Variants in CTIF observed in about 807,000 individuals in gnomAD.
CTIF encodes the protein cap binding complex dependent translation initiation factor.
A neutral mutation model predicts 66.0 loss-of-function variants in CTIF; 21 were observed. The observed-to-expected ratio is 0.32, with a 90% CI of 0.23 to 0.46. CTIF has a LOEUF of 0.46. Among genes scored for constraint, CTIF ranks in the 20% least tolerant of loss-of-function variants. The pLI, the probability that CTIF is intolerant of heterozygous loss-of-function variation, is 1.00. For synonymous variants in CTIF, 345 were observed against 326.4 expected (o/e 1.06, Z -0.62); for missense variants, 739 against 812.7 (o/e 0.91, Z 1.10).
In CTIF at chr18:48,669,790, CATTTATATATATATATATATATATAT is replaced by C. The variant is rs1287250397; in HGVS notation, c.432-876_432-851del. 9.7e-3 allele frequency among the ~76,000 whole-genome samples: 349 copies of C among 35,968 alleles called. 18 individuals are homozygous for C. Among genetic ancestry groups the C allele is most frequent in the Admixed American group, 0.041 (111 of 2,714 alleles). 23.6% of individuals were successfully genotyped at this position (35,968 alleles called of 152,430 possible). ...CACATTTATAAACAAACAAGCTAAA[CATTTATATATATATATATATATATAT>C]ATATATATATATATATATATATATA... On this transcript the variant is annotated intron_variant, in intron 5 of 11. Coordinates refer to ENST00000256413, the MANE Select transcript of CTIF (RefSeq NM_014772.3).
intron 9 of CTIF, among the ~76,000 whole-genome samples, chr18:48,794,977 T>TCTCCATTATCTCC: frequency 6.6e-6 from 1 of 152,234 alleles, no homozygotes; most frequent in South Asian, 2.1e-4. Context: ...TGGATGACTA[T>TCTCCATTATCTCC]AGACTCCACA....
intron 3 of CTIF, among the ~76,000 whole-genome samples, chr18:48,647,776 G>A (rs1475947303): frequency 6.6e-6 from 1 of 152,134 alleles, no homozygotes; most frequent in Non-Finnish European, 1.5e-5. Flanking sequence ...CCACCTCATG[G>A]CTCTTAGAAC....
chr18:48,780,821 T>C (rs1911135339), intron 9 of CTIF, among the ~76,000 whole-genome samples: 1 of 152,224 alleles, frequency 6.6e-6, no homozygotes, highest in Non-Finnish European at 1.5e-5. Context: ...TGGATCTCCT[T>C]CTGTGTACCT....
chr18:48,546,604 A>C (rs1364247627), intron 1 of CTIF, among the ~76,000 whole-genome samples: 1 of 152,170 alleles, frequency 6.6e-6, no homozygotes. Flanking sequence ...GGTGAGCTCC[A>C]GCTGAGGCTC....
chr18:48,636,120 G>A (rs2090817321), intron 2 of CTIF, among the ~76,000 whole-genome samples: 1 of 152,192 alleles, frequency 6.6e-6, no homozygotes, highest in South Asian at 2.1e-4. Flanking sequence ...GGGCTTGTCT[G>A]AGCCATGCTT....
chr18:48,786,220 G>A (rs984388963), intron 9 of CTIF, among the ~76,000 whole-genome samples: 4 of 152,172 alleles, frequency 2.6e-5, no homozygotes, highest in African/African-American at 9.7e-5. Flanking sequence ...TTTGGGAGGG[G>A]GTGCAAGCCT....
intron 2 of CTIF, among the ~76,000 whole-genome samples, chr18:48,625,399 A>C (rs186988910): frequency 1.3e-5 from 2 of 152,248 alleles, no homozygotes; most frequent in Non-Finnish European, 2.9e-5. Flanking sequence ...CTGAGCTAAA[A>C]TTATTTTAAA....
At chr18:48,721,667 G>C (rs1026754979) in intron 7 of CTIF, among the ~76,000 whole-genome samples, 13 of 152,200 alleles carry the variant, frequency 8.5e-5, no homozygotes, top group African/African-American at 3.1e-4. Flanking sequence ...CTACAGGGAT[G>C]CCATTAGATG....
At position 48,619,656 on chromosome 18, in the gene CTIF, T is replaced by C; in HGVS notation, c.91T>C (p.Tyr31His). ...IEELERFIDS[Y>H]VLEYQVQGLL... ...GGAGCTGGAGCGCTTCATCGACAGC[T>C]ACGTGCTGGAGTACCAGGTGCAGGG... is the stretch of plus-strand genomic sequence containing the variant. The change falls in exon 2 of 12, where the codon TAC (tyrosine) becomes CAC (histidine). Residue 31 changes from tyrosine to histidine, a missense_variant. Physicochemically the swap from Tyr to His is moderately conservative, Grantham distance 83 (BLOSUM62 2). This residue lies in a region of CTIF where 529 missense variants were observed against 520.3 expected (regional missense o/e 1.02). Coordinates refer to ENST00000256413, the MANE Select transcript of CTIF (RefSeq NM_014772.3). 6.2e-7 allele frequency: 1 copy of C among 1,607,302 alleles called. No homozygotes were observed. The highest frequency in any genetic ancestry group is 8.5e-7 in the Non-Finnish European group (1 of 1,177,116).
At chr18:48,819,321 G>T (rs887321225) in intron 10 of CTIF, among the ~76,000 whole-genome samples, 2 of 152,238 alleles carry the variant, frequency 1.3e-5, no homozygotes, top group African/African-American at 4.8e-5. Flanking sequence ...GGCCTGCGTG[G>T]CCTCTTGGGT....
In CTIF at chr18:48,734,577, A is replaced by G. The variant is rs565764105; in HGVS notation, c.584+22882A>G. Among the ~76,000 whole-genome samples the G allele has an allele frequency of 2.6e-5, 4 of 152,308 alleles. No individual in the cohort carries two copies. The South Asian group carries it at 8.3e-4, about 32-fold the overall frequency. ...TGAGTGAGACTCTGTCTCAAAAAAT[A>G]AAATAAAATTATTTGAATCCCAGGA... On this transcript the variant is annotated intron_variant, in intron 7 of 11. Coordinates refer to ENST00000256413, the MANE Select transcript of CTIF (RefSeq NM_014772.3).
chr18:48,562,507 G>T (rs1568033810), intron 1 of CTIF, among the ~76,000 whole-genome samples: 1 of 152,346 alleles, frequency 6.6e-6, no homozygotes, highest in East Asian at 1.9e-4. Flanking sequence ...CCCCTTGCCT[G>T]TTGACTCTTC....
At chr18:48,781,878 T>G (rs1006518854) in intron 9 of CTIF, among the ~76,000 whole-genome samples, 1 of 152,210 alleles carries the variant, frequency 6.6e-6, no homozygotes, top group African/African-American at 2.4e-5. Flanking sequence ...AAATGGGGAT[T>G]ATTTATAACT....
At chr18:48,758,929 C>T (rs1213560734) in intron 8 of CTIF, among the ~76,000 whole-genome samples, 1 of 152,186 alleles carries the variant, frequency 6.6e-6, no homozygotes, top group Non-Finnish European at 1.5e-5. Context: ...GCCTTCATCA[C>T]CCAGAGGCCA....
intron 1 of CTIF, among the ~76,000 whole-genome samples, chr18:48,542,114 A>C (rs556169592): frequency 6.4e-4 from 98 of 152,172 alleles, no homozygotes; most frequent in African/African-American, 2.3e-3. Context: ...TTCTCAAAAC[A>C]CTCTTGATTT....
intron 10 of CTIF, among the ~76,000 whole-genome samples, chr18:48,829,240 T>A (rs1217464812): frequency 6.6e-6 from 1 of 152,180 alleles, no homozygotes; most frequent in Non-Finnish European, 1.5e-5. Context: ...GGGGTTAAAA[T>A]CACACAGTAG....
At chr18:48,648,500 CACAA>C (rs1224228365) in intron 3 of CTIF, among the ~76,000 whole-genome samples, 5 of 152,110 alleles carry the variant, frequency 3.3e-5, no homozygotes, top group Admixed American at 1.3e-4. Flanking sequence ...CACACACACA[CACAA>C]ACACACACAT....
intron 10 of CTIF, among the ~76,000 whole-genome samples, chr18:48,841,580 C>T (rs2068943497): frequency 1.3e-5 from 2 of 152,328 alleles, no homozygotes; most frequent in South Asian, 4.1e-4. Context: ...GTTAGGAAAT[C>T]AAGGAGACGC....
intron 1 of CTIF, among the ~76,000 whole-genome samples, chr18:48,568,889 A>G (rs1444997822): frequency 6.6e-6 from 1 of 152,128 alleles, no homozygotes; most frequent in Non-Finnish European, 1.5e-5. Context: ...TCCCACCAGG[A>G]GGGTCCCTCC....
Sources: gnomAD v4.1 joint callset for allele counts (sites outside exome capture counted in the v4.1 genomes callset) on GRCh38, gnomAD v4.1.1 for gene constraint, gnomAD v4.1.1 regional missense constraint, MANE v1.5 for transcripts, NCBI Gene and HGNC (gene_info 2026-07-23, HGNC 2026-07-21) for gene names.